The following FBXW11 variants were observed in gnomAD, a reference collection of about 807,000 sequenced individuals.
The protein encoded by FBXW11 is F-box and WD repeat domain containing 11.
A neutral mutation model predicts 77.6 loss-of-function variants in FBXW11; 19 were observed. The observed-to-expected ratio is 0.24, with a 90% CI of 0.17 to 0.36. The LOEUF is 0.36. Among genes scored for constraint, FBXW11 ranks in the 10% least tolerant of loss-of-function variants. The pLI, the probability that FBXW11 is intolerant of heterozygous loss-of-function variation, is 1.00. For synonymous variants in FBXW11, 235 were observed against 249.4 expected, an observed-to-expected ratio of 0.94 and a Z score of 0.54; for missense variants, 334 against 704.2, an observed-to-expected ratio of 0.47 and a Z score of 5.95.
intron 3 of FBXW11, among the ~76,000 whole-genome samples, chr5:171,911,479 T>C (rs1760881356): frequency 6.6e-6 from 1 of 152,228 alleles, no homozygotes; most frequent in Non-Finnish European, 1.5e-5. Context: ...ATAAGCTGTG[T>C]TGTGTTGAAA....
chr5:171,936,851 G>A (rs1486672421), intron 2 of FBXW11, among the ~76,000 whole-genome samples: 1 of 151,926 alleles, frequency 6.6e-6, no homozygotes, highest in Non-Finnish European at 1.5e-5. Context: ...AAAGAAATAA[G>A]TTCAATAAAA....
intron 2 of FBXW11, among the ~76,000 whole-genome samples, chr5:171,945,359 C>CT (rs1200169358): frequency 1.3e-5 from 2 of 152,154 alleles, no homozygotes; most frequent in African/African-American, 4.8e-5. Flanking sequence ...ATAGTTTCTA[C>CT]TTTAAGAGGC....
intron 1 of FBXW11, among the ~76,000 whole-genome samples, chr5:171,991,774 GGAGT>G (rs753682121): frequency 1.1e-4 from 16 of 152,310 alleles, no homozygotes; most frequent in Non-Finnish European, 2.1e-4. Flanking sequence ...TTGCTGACTA[GGAGT>G]AAGTAATAGC....
At chr5:171,972,473 C>G (rs1486168227) in intron 1 of FBXW11, among the ~76,000 whole-genome samples, 1 of 133,244 alleles carries the variant, frequency 7.5e-6, no homozygotes, top group African/African-American at 2.8e-5. Context: ...TGCACTCCAC[C>G]CTGGGCAACA....
intron 6 of FBXW11, among the ~76,000 whole-genome samples, chr5:171,895,173 T>C (rs964964181): frequency 6.6e-6 from 1 of 152,218 alleles, no homozygotes; most frequent in African/African-American, 2.4e-5. Context: ...TTAGCCATCA[T>C]GTGGTATGGC....
chr5:171,879,566 A>G (rs1054199937), intron 7 of FBXW11, among the ~76,000 whole-genome samples: 15 of 152,248 alleles, frequency 9.9e-5, no homozygotes, highest in African/African-American at 3.6e-4. Context: ...AACAGCAATG[A>G]ATGAAAGTTC....
intron 1 of FBXW11, among the ~76,000 whole-genome samples, chr5:171,998,993 A>G (rs1455085844): frequency 6.6e-6 from 1 of 152,126 alleles, no homozygotes; most frequent in Non-Finnish European, 1.5e-5. Flanking sequence ...TTCATATTGT[A>G]GGTAAGGCAA....
intron 1 of FBXW11, among the ~76,000 whole-genome samples, chr5:171,999,088 A>T (rs776333818): frequency 6.6e-6 from 1 of 152,200 alleles, no homozygotes; most frequent in Non-Finnish European, 1.5e-5. Flanking sequence ...CTTTAAGGAG[A>T]TCACAAAAGT....
In FBXW11 at chr5:171,948,545, C is replaced by A. The variant is rs577971943; in HGVS notation, c.147+9052G>T. Among the ~76,000 whole-genome samples, 60 of 152,142 alleles carry A rather than the reference C, an allele frequency of 3.9e-4. 1 individual carries two copies. The highest frequency in any genetic ancestry group is 1.4e-3 in the African/African-American group (58 of 41,508). ...TTGAGCCCAGGAGTTCGAGACCAGT[C>A]TGGGCAACATAGGAAGATCCCATTT... On this transcript the variant is annotated intron_variant, in intron 2 of 13. Transcript: ENST00000517395.
intron 2 of FBXW11, among the ~76,000 whole-genome samples, chr5:171,955,227 A>G (rs1331204130): frequency 6.6e-6 from 1 of 152,210 alleles, no homozygotes; most frequent in Non-Finnish European, 1.5e-5. Context: ...GGTAAACTAA[A>G]ATTCAGCCAT....
chr5:171,862,707 A>G lies in FBXW11; in HGVS notation c.*1420T>C, dbSNP rs1254386099. 6.6e-6 allele frequency: 1 copy of G among 152,580 alleles called. No homozygotes were observed. Among genetic ancestry groups the G allele is most frequent in the African/African-American group, 2.4e-5 (1 of 41,462 alleles). 9.5% of individuals were successfully genotyped at this position (152,580 alleles called of 1,614,324 possible). A position where few individuals can be genotyped will look rare whatever the true frequency, so the allele number is the denominator to read the frequency against. ...TTTGAGAACCTGCTGGGGCCACAGC[A>G]GCAGCTGACACCAGAGATGACTGGG... On this transcript the variant is annotated 3_prime_UTR_variant, in exon 14 of 14. Transcript: ENST00000517395.
chr5:171,983,158 A>G (rs1765244409), intron 1 of FBXW11, among the ~76,000 whole-genome samples: 1 of 152,166 alleles, frequency 6.6e-6, no homozygotes, highest in Non-Finnish European at 1.5e-5. Flanking sequence ...GCTACACTCC[A>G]GCCTAGGCAA....
intron 1 of FBXW11, among the ~76,000 whole-genome samples, chr5:171,981,470 T>G (rs1433593892): frequency 3.3e-5 from 5 of 152,202 alleles, no homozygotes. Context: ...GACTTGTGAC[T>G]GGCACCTTAA....
intron 2 of FBXW11, among the ~76,000 whole-genome samples, chr5:171,919,846 C>G (rs1233629034): frequency 1.3e-5 from 2 of 152,156 alleles, no homozygotes; most frequent in African/African-American, 2.4e-5. Flanking sequence ...TTCAAAGACA[C>G]TCTTCCCACC....
intron 7 of FBXW11, among the ~76,000 whole-genome samples, chr5:171,881,067 T>C (rs1758471777): frequency 1.3e-5 from 2 of 150,426 alleles, no homozygotes; most frequent in African/African-American, 4.8e-5. Context: ...CTGACTTAAG[T>C]ATATTAACCT....
intron 2 of FBXW11, among the ~76,000 whole-genome samples, chr5:171,936,548 A>T (rs1234923566): frequency 2.0e-5 from 3 of 151,796 alleles, no homozygotes; most frequent in Non-Finnish European, 4.4e-5. Flanking sequence ...AATTATAATT[A>T]AAACTAACAA....
At chr5:171,879,762 T>C (rs1318167640) in intron 7 of FBXW11, among the ~76,000 whole-genome samples, 1 of 152,246 alleles carries the variant, frequency 6.6e-6, no homozygotes, top group Non-Finnish European at 1.5e-5. Flanking sequence ...TGGTGAGATG[T>C]CTGTTAAGGT....
At chr5:171,930,705 C>A (rs1385013869) in intron 2 of FBXW11, among the ~76,000 whole-genome samples, 1 of 142,926 alleles carries the variant, frequency 7.0e-6, no homozygotes, top group Non-Finnish European at 1.5e-5. Flanking sequence ...GCGAGAAACA[C>A]CCAAGAATGA....
In FBXW11 at chr5:171,862,996, T is replaced by A. The variant is rs1757180023; in HGVS notation, c.*1131A>T. On this transcript the variant is annotated 3_prime_UTR_variant, in exon 14 of 14. Coordinates refer to ENST00000517395, the MANE Select transcript of FBXW11 (RefSeq NM_001378974.1). The stretch of plus-strand genomic sequence containing the variant: ...ATGAATACTATGGGAGGTGACCACT[T>A]GTACTCAGGAGTACTTATGAGAAAA... 6.6e-6 allele frequency: 1 copy of A among 152,230 alleles called. No homozygotes were observed. The highest frequency in any genetic ancestry group is 2.1e-4 in the South Asian group (1 of 4,824). The allele number at this position is 152,230 out of a possible 1,614,324, so 9.4% of individuals were successfully genotyped here.
Sources: gnomAD v4.1 joint callset for allele counts (sites outside exome capture counted in the v4.1 genomes callset) on GRCh38, gnomAD v4.1.1 for gene constraint, MANE v1.5 for transcripts, NCBI Gene and HGNC (gene_info 2026-07-23, HGNC 2026-07-21) for gene names.